The following SAMTOR variants were observed in gnomAD, a reference collection of about 807,000 sequenced individuals.
SAMTOR encodes the protein S-adenosylmethionine sensor upstream of mTORC1, also known as UPF0532 protein C7orf60.
At chr7:112,857,389 C>G in the SAMTOR span, among the ~76,000 whole-genome samples, 6 of 148,832 alleles carry the variant, frequency 4.0e-5, no homozygotes, top group Non-Finnish European at 7.4e-5. Context: ...CCGCGCCCGG[C>G]CATGTTCTTT....
the SAMTOR span, among the ~76,000 whole-genome samples, chr7:112,861,645 G>A: frequency 6.6e-6 from 1 of 152,050 alleles, no homozygotes; most frequent in African/African-American, 2.4e-5. Flanking sequence ...TGATCCTTCT[G>A]TCTTCTTGAG....
chr7:112,834,310 T>C, the SAMTOR span, among the ~76,000 whole-genome samples: 1 of 152,332 alleles, frequency 6.6e-6, no homozygotes, highest in Non-Finnish European at 1.5e-5. Flanking sequence ...ACATCTTTTG[T>C]TGGAGTTATA....
At chr7:112,861,174 CTTAT>C in the SAMTOR span, among the ~76,000 whole-genome samples, 1 of 152,196 alleles carries the variant, frequency 6.6e-6, no homozygotes, top group African/African-American at 2.4e-5. Context: ...TATTTCATCT[CTTAT>C]TTATAGCACA....
At chr7:112,907,842 C>CTTTAT in the SAMTOR span, among the ~76,000 whole-genome samples, 2 of 146,346 alleles carry the variant, frequency 1.4e-5, no homozygotes, top group Non-Finnish European at 3.0e-5. Context: ...TTCTTACTTA[C>CTTTAT]TTATTTATTT....
chr7:112,918,584 T>G, the SAMTOR span, among the ~76,000 whole-genome samples: 1 of 152,086 alleles, frequency 6.6e-6, no homozygotes, highest in African/African-American at 2.4e-5. Context: ...CGGGATCAAA[T>G]TCACACATAA....
At chr7:112,860,378 A>C in the SAMTOR span, among the ~76,000 whole-genome samples, 1 of 152,122 alleles carries the variant, frequency 6.6e-6, no homozygotes, top group Non-Finnish European at 1.5e-5. Context: ...ACAACCCTAC[A>C]CAGACAACCC....
chr7:112,913,832 T>C, the SAMTOR span, among the ~76,000 whole-genome samples: 2 of 152,132 alleles, frequency 1.3e-5, no homozygotes, highest in Non-Finnish European at 2.9e-5. Context: ...ATCACAACAG[T>C]GAAACCCTCT....
chr7:112,883,970 C>T, the SAMTOR span, among the ~76,000 whole-genome samples: 2 of 152,156 alleles, frequency 1.3e-5, no homozygotes, highest in African/African-American at 4.8e-5. Context: ...CACAATTCAG[C>T]ATGGCTGGGG....
chr7:112,870,762 A>C, the SAMTOR span, among the ~76,000 whole-genome samples: 1 of 151,842 alleles, frequency 6.6e-6, no homozygotes, highest in Non-Finnish European at 1.5e-5. Flanking sequence ...AAAAAAAAAA[A>C]AAACCCACCC....
the SAMTOR span, among the ~76,000 whole-genome samples, chr7:112,938,435 ATACT>A: frequency 3.3e-5 from 5 of 152,260 alleles, no homozygotes; most frequent in African/African-American, 1.2e-4. Flanking sequence ...AGAACAAAGG[ATACT>A]TAGTTTTAAC....
At chr7:112,903,932 G>C in the SAMTOR span, among the ~76,000 whole-genome samples, 6 of 151,990 alleles carry the variant, frequency 3.9e-5, no homozygotes, top group East Asian at 5.8e-4. Context: ...TGTTGGTGAA[G>C]AAGTAGGGAA....
At chr7:112,822,450 C>T in the SAMTOR span, 2 of 1,168,926 alleles carry the variant, frequency 1.7e-6, no homozygotes, top group African/African-American at 1.5e-5. Flanking sequence ...TTCAGCAAAC[C>T]ATTTCACATA....
At chr7:112,841,036 C>A in the SAMTOR span, among the ~76,000 whole-genome samples, 1 of 152,050 alleles carries the variant, frequency 6.6e-6, no homozygotes, top group African/African-American at 2.4e-5. Flanking sequence ...ACAAGGATGC[C>A]CCCTCTCACG....
the SAMTOR span, among the ~76,000 whole-genome samples, chr7:112,873,951 A>C: frequency 6.6e-6 from 1 of 152,176 alleles, no homozygotes; most frequent in Non-Finnish European, 1.5e-5. Context: ...CGTTGAAAAA[A>C]ATGTTCCACG....
the SAMTOR span, among the ~76,000 whole-genome samples, chr7:112,899,789 G>GAAA: frequency 1.8e-5 from 2 of 113,386 alleles, no homozygotes; most frequent in African/African-American, 3.8e-5. Flanking sequence ...TGTGCTGAAG[G>GAAA]AAAAAAAAAA....
At chr7:112,894,068 C>CTTTT in the SAMTOR span, among the ~76,000 whole-genome samples, 2 of 151,558 alleles carry the variant, frequency 1.3e-5, no homozygotes, top group African/African-American at 4.9e-5. Context: ...AGGAGTGCCT[C>CTTTT]TTTTTACTTG....
chr7:112,854,929 C>T, the SAMTOR span, among the ~76,000 whole-genome samples: 8 of 152,146 alleles, frequency 5.3e-5, no homozygotes, highest in East Asian at 3.9e-4. Flanking sequence ...GCTTTTTTCC[C>T]GTAGATGTCC....
the SAMTOR span, among the ~76,000 whole-genome samples, chr7:112,933,043 A>C: frequency 6.6e-6 from 1 of 152,240 alleles, no homozygotes; most frequent in East Asian, 1.9e-4. Context: ...GAAGAGGGGC[A>C]GGGATAATGC....
chr7:112,836,314 C>T, the SAMTOR span, among the ~76,000 whole-genome samples: 1 of 152,006 alleles, frequency 6.6e-6, no homozygotes, highest in African/African-American at 2.4e-5. Flanking sequence ...ATGTCCTTTG[C>T]CTACTTTTTA....
Sources: gnomAD v4.1 joint callset for allele counts (sites outside exome capture counted in the v4.1 genomes callset) on GRCh38, gnomAD v4.1.1 for gene constraint, MANE v1.5 for transcripts, NCBI Gene and HGNC (gene_info 2026-07-23, HGNC 2026-07-21) for gene names.